Variants in ADAMTSL1 observed in about 807,000 individuals in gnomAD.
ADAMTSL1 encodes the protein ADAMTS-like protein 1.
In ADAMTSL1, 126 loss-of-function variants were observed where a neutral mutation model predicts 201.8. That is an observed-to-expected ratio of 0.62 (90% CI 0.54 to 0.72). The LOEUF (loss-of-function observed/expected upper bound fraction) is 0.72, where lower values mean the gene tolerates loss of function less well. ADAMTSL1 is among the 30% of genes least tolerant of loss of function. ADAMTSL1 has a pLI of 0.00. For missense variants in ADAMTSL1, 2,679 were observed against 2,277.8 expected (o/e 1.18, Z -3.59); for synonymous variants, 1,121 against 903.4 (o/e 1.24, Z -4.32).
intron 1 of ADAMTSL1, among the ~76,000 whole-genome samples, chr9:18,013,735 C>T (rs7041139): frequency 0.37 from 56,279 of 151,762 alleles, 10,956 homozygotes; most frequent in African/African-American, 0.5. Flanking sequence ...GATGCCATAC[C>T]TCTGTTAGTC....
chr9:18,539,355 C>T (rs374571723), intron 3 of ADAMTSL1, among the ~76,000 whole-genome samples: 8 of 152,032 alleles, frequency 5.3e-5, no homozygotes, highest in South Asian at 2.1e-4. Flanking sequence ...GTATGACGCA[C>T]GCTATCAGTA....
intron 2 of ADAMTSL1, among the ~76,000 whole-genome samples, chr9:18,425,741 A>G (rs1819184923): frequency 6.6e-6 from 1 of 151,602 alleles, no homozygotes; most frequent in Non-Finnish European, 1.5e-5. Context: ...CTGTAGTCCC[A>G]GCTACTCTGG....
intron 1 of ADAMTSL1, among the ~76,000 whole-genome samples, chr9:18,502,335 A>C (rs887870601): frequency 6.6e-6 from 1 of 152,202 alleles, no homozygotes; most frequent in Admixed American, 6.5e-5. Context: ...AGAGATATAT[A>C]TTTGTCACTT....
intron 2 of ADAMTSL1, among the ~76,000 whole-genome samples, chr9:18,289,654 C>T (rs375781502): frequency 7.2e-5 from 11 of 152,264 alleles, no homozygotes; most frequent in African/African-American, 2.6e-4. Context: ...TCAGATCTGG[C>T]TATGATAGGT....
At chr9:18,247,778 G>A (rs1831319447) in intron 2 of ADAMTSL1, among the ~76,000 whole-genome samples, 1 of 152,066 alleles carries the variant, frequency 6.6e-6, no homozygotes, top group African/African-American at 2.4e-5. Flanking sequence ...AGGAAAGGAG[G>A]GAGGGAGGAA....
chr9:18,569,476 G>C (rs909334948), intron 3 of ADAMTSL1, among the ~76,000 whole-genome samples: 20 of 152,170 alleles, frequency 1.3e-4, no homozygotes, highest in African/African-American at 4.8e-4. Flanking sequence ...ATGACACAGA[G>C]CTGTCAAGCC....
intron 26 of ADAMTSL1, among the ~76,000 whole-genome samples, chr9:18,897,872 G>A (rs72692475): frequency 0.021 from 3,169 of 152,264 alleles, 54 homozygotes; most frequent in Middle Eastern, 0.037. Flanking sequence ...ATTGACATAA[G>A]TTGGCTTCAG....
intron 2 of ADAMTSL1, among the ~76,000 whole-genome samples, chr9:18,261,637 G>A (rs1331944958): frequency 6.6e-6 from 1 of 152,188 alleles, no homozygotes; most frequent in African/African-American, 2.4e-5. Flanking sequence ...TGGATTAACA[G>A]TGCTATAGAC....
At chr9:18,404,068 T>G (rs113603840) in intron 2 of ADAMTSL1, among the ~76,000 whole-genome samples, 202 of 152,334 alleles carry the variant, frequency 1.3e-3, no homozygotes, top group African/African-American at 4.8e-3. Context: ...AAAATAATGC[T>G]ATAATCTTTA....
intron 1 of ADAMTSL1, among the ~76,000 whole-genome samples, chr9:17,921,853 TG>T (rs1465611626): frequency 2.0e-5 from 3 of 152,176 alleles, no homozygotes; most frequent in African/African-American, 7.2e-5. Flanking sequence ...TCCCTATTTT[TG>T]TTTTTTAATT....
chr9:18,208,827 C>A (rs1214478273), intron 2 of ADAMTSL1, among the ~76,000 whole-genome samples: 1 of 152,096 alleles, frequency 6.6e-6, no homozygotes, highest in Admixed American at 6.6e-5. Context: ...AAAGGACAGA[C>A]CTTGATTAAT....
intron 2 of ADAMTSL1, among the ~76,000 whole-genome samples, chr9:18,260,994 C>T (rs1831896949): frequency 7.6e-6 from 1 of 131,590 alleles, no homozygotes; most frequent in Admixed American, 7.7e-5. Context: ...ACTTAAATCT[C>T]CTCTTTTTTT....
intron 23 of ADAMTSL1, among the ~76,000 whole-genome samples, chr9:18,882,260 G>A (rs535771444): frequency 1.2e-3 from 184 of 152,184 alleles, no homozygotes; most frequent in South Asian, 2.5e-3. Flanking sequence ...CATATTTACC[G>A]ACTAAAATCT....
intron 2 of ADAMTSL1, among the ~76,000 whole-genome samples, chr9:18,213,561 T>C (rs1471945871): frequency 2.6e-5 from 4 of 152,206 alleles, no homozygotes; most frequent in East Asian, 3.8e-4. Flanking sequence ...TGTCTTTTTG[T>C]TTTCTGTTAC....
intron 1 of ADAMTSL1, among the ~76,000 whole-genome samples, chr9:18,099,892 C>T (rs1824442769): frequency 6.6e-6 from 1 of 152,114 alleles, no homozygotes; most frequent in Non-Finnish European, 1.5e-5. Context: ...TCCCAAAGTG[C>T]AAGGATTACA....
intron 1 of ADAMTSL1, among the ~76,000 whole-genome samples, chr9:18,102,209 T>C (rs948281806): frequency 6.6e-6 from 1 of 152,236 alleles, no homozygotes; most frequent in Non-Finnish European, 1.5e-5. Flanking sequence ...ACATTCAAAT[T>C]TCTTTGAAGT....
chr9:18,146,575 G>A (rs1826654688), intron 1 of ADAMTSL1, among the ~76,000 whole-genome samples: 1 of 152,124 alleles, frequency 6.6e-6, no homozygotes, highest in Non-Finnish European at 1.5e-5. Context: ...GGTTGAATAG[G>A]TAAAACACAG....
At chr9:18,497,529 CA>C (rs922176014) in intron 1 of ADAMTSL1, among the ~76,000 whole-genome samples, 5 of 151,948 alleles carry the variant, frequency 3.3e-5, no homozygotes, top group Admixed American at 2.0e-4. Context: ...AAATCTCTAT[CA>C]AAAAAATGCA....
intron 2 of ADAMTSL1, among the ~76,000 whole-genome samples, chr9:18,460,766 T>C (rs1289599844): frequency 1.3e-5 from 2 of 152,206 alleles, no homozygotes; most frequent in African/African-American, 4.8e-5. Flanking sequence ...ACAACACTTT[T>C]GACATCCATA....
Sources: gnomAD v4.1 joint callset for allele counts (sites outside exome capture counted in the v4.1 genomes callset) on GRCh38, gnomAD v4.1.1 for gene constraint, MANE v1.5 for transcripts, NCBI Gene and HGNC (gene_info 2026-07-23, HGNC 2026-07-21) for gene names.